The following KIDINS220 variants were observed in gnomAD, a reference collection of about 807,000 sequenced individuals.
KIDINS220 encodes kinase D-interacting substrate of 220 kDa.
In KIDINS220, 63 loss-of-function variants were observed where a neutral mutation model predicts 157.6. The ratio of observed to expected loss-of-function variants is 0.40; its 90% CI spans 0.33 to 0.49. The LOEUF (loss-of-function observed/expected upper bound fraction) is 0.49. KIDINS220 is among the 20% of genes least tolerant of loss of function. The pLI is 0.66. For missense variants in KIDINS220, 1,772 were observed against 2,171.2 expected, an observed-to-expected ratio of 0.82 and a Z score of 3.65; for synonymous variants, 732 against 783.6, an observed-to-expected ratio of 0.93 and a Z score of 1.10.
At chr2:8,740,528 A>G (rs1665481239) in intron 26 of KIDINS220, among the ~76,000 whole-genome samples, 1 of 152,268 alleles carries the variant, frequency 6.6e-6, no homozygotes, top group African/African-American at 2.4e-5. Flanking sequence ...TTCGTAATAT[A>G]TGCAAGTTTA....
In KIDINS220 at chr2:8,740,090, T is replaced by TG; in HGVS notation, c.3586-3092dup. ...ATTTATAGACAGCCCAGCATGAAGTTGCCAATGATTGCTTCTAGTAGTCTA... is the reference window on the plus strand; with the variant it reads ...ATTTATAGACAGCCCAGCATGAAGTTGGCCAATGATTGCTTCTAGTAGTCTA... On this transcript the variant is annotated intron_variant, in intron 26 of 29. Coordinates refer to ENST00000256707, the MANE Select transcript of KIDINS220 (RefSeq NM_020738.4). 1.0e-5 allele frequency: 7 copies of TG among 699,718 alleles called. No individual in the cohort carries two copies. In the South Asian group the frequency reaches 4.5e-4, roughly 45 times the overall value. The allele number at this position is 699,718 out of a possible 1,614,324, so 43.3% of individuals were successfully genotyped here.
At position 8,733,532 on chromosome 2, in the gene KIDINS220, G is replaced by A. The variant is rs561652136; in HGVS notation, c.3965C>T (p.Thr1322Met). 3.0e-5 allele frequency: 49 copies of A among 1,614,108 alleles called. No individual in the cohort carries two copies. The highest frequency in any genetic ancestry group is 3.6e-5 in the Non-Finnish European group (43 of 1,180,020). Reference sequence around the variant, plus strand: ...GAAGCTGAAGTTGAGTGTGTAGGGCGTCTGGCTGGAGAGCTCGGTGTGAGG... The same window carrying A: ...GAAGCTGAAGTTGAGTGTGTAGGGCATCTGGCTGGAGAGCTCGGTGTGAGG... Reference protein sequence around the residue: ...ELPHTELSSQTPYTLNFSFEE... With the variant: ...ELPHTELSSQMPYTLNFSFEE... The change falls in exon 29 of 30, where the codon ACG (threonine) becomes ATG (methionine). Residue 1322 changes from threonine (T) to methionine (M), a missense_variant. By Grantham distance (81) the Thr-to-Met change is moderately conservative (BLOSUM62 -1). Coordinates refer to ENST00000256707, the MANE Select transcript of KIDINS220 (RefSeq NM_020738.4).
In KIDINS220 at chr2:8,783,988, A is replaced by T. The variant is rs139322864; in HGVS notation, c.2229+1753T>A. Among the ~76,000 whole-genome samples, 9 of 152,282 alleles carry T rather than the reference A, an allele frequency of 5.9e-5. 1 individual carries two copies. The highest frequency in any genetic ancestry group is 3.4e-3 in the Middle Eastern group (1 of 294). On this transcript the variant is annotated intron_variant, in intron 17 of 29. Coordinates refer to ENST00000256707, the MANE Select transcript of KIDINS220 (RefSeq NM_020738.4). ...CACAGTATTGAAGGAGGAGAACAAAATAGGAGGACTGACACTACCCAACTT... is the reference window on the plus strand; with the variant it reads ...CACAGTATTGAAGGAGGAGAACAAATTAGGAGGACTGACACTACCCAACTT...
intron 10 of KIDINS220, among the ~76,000 whole-genome samples, chr2:8,797,241 C>G (rs986750521): frequency 2.0e-5 from 3 of 152,222 alleles, no homozygotes; most frequent in African/African-American, 7.2e-5. Context: ...TCCAGGTAAG[C>G]CAGTGTCCAG....
chr2:8,734,183 C>A (rs1214960541), intron 28 of KIDINS220, among the ~76,000 whole-genome samples: 1 of 150,600 alleles, frequency 6.6e-6, no homozygotes, highest in Non-Finnish European at 1.5e-5. Flanking sequence ...ACTCTTGGTA[C>A]GCCGATGGCC....
downstream of KIDINS220, chr2:8,722,220 A>C (rs997191203): frequency 6.6e-6 from 1 of 152,154 alleles, no homozygotes; most frequent in African/African-American, 2.4e-5. Flanking sequence ...GACATATTCT[A>C]ATTTCTAACA....
intron 2 of KIDINS220, among the ~76,000 whole-genome samples, chr2:8,821,300 G>T (rs1447754768): frequency 1.3e-5 from 2 of 151,846 alleles, no homozygotes; most frequent in African/African-American, 4.8e-5. Flanking sequence ...TGTCCACCCA[G>T]TATCTAGAAA....
chr2:8,747,318 T>G, intron 25 of KIDINS220, 117 bp from the exon 26 acceptor site: 3 of 862,844 alleles, frequency 3.5e-6, no homozygotes, highest in Non-Finnish European at 5.9e-6. Context: ...CAGTTTATGT[T>G]TTTGCCTCCT....
chr2:8,761,604 C>A (rs1390386709), intron 22 of KIDINS220, among the ~76,000 whole-genome samples: 4 of 151,846 alleles, frequency 2.6e-5, no homozygotes, highest in African/African-American at 9.7e-5. Flanking sequence ...TGAAAAATGT[C>A]CTGAAGCCAT....
chr2:8,731,641 A>C lies in KIDINS220; in HGVS notation c.4395T>G (p.Val1465=). ...CCAGGGGGGAAGCATCGTTGGTGGAAACCCCTGATGATGAATAATCGATAA... is the reference window on the plus strand; with the variant it reads ...CCAGGGGGGAAGCATCGTTGGTGGACACCCCTGATGATGAATAATCGATAA... The part of the protein sequence containing the change: ...GDVIDYSSSG[V]STNDASPLDP... Residue 1465 remains valine, a synonymous_variant, in exon 30 of 30, where the codon GTT becomes GTG. Transcript: ENST00000256707. This position sits in a 1 kb window ranked among gnomAD's most constrained non-coding sequence, Gnocchi z 5.2. 1.2e-6 allele frequency: 2 copies of C among 1,614,148 alleles called. No individual in the cohort carries two copies. The highest frequency in any genetic ancestry group is 1.7e-6 in the Non-Finnish European group (2 of 1,180,016).
chr2:8,792,660 T>C (rs1450754062), intron 12 of KIDINS220, among the ~76,000 whole-genome samples: 1 of 152,208 alleles, frequency 6.6e-6, no homozygotes, highest in Non-Finnish European at 1.5e-5. Context: ...TGGGGAATTG[T>C]GGTATCTTAC....
At chr2:8,759,572 C>T (rs1668482136) in intron 22 of KIDINS220, among the ~76,000 whole-genome samples, 1 of 147,660 alleles carries the variant, frequency 6.8e-6, no homozygotes, top group African/African-American at 2.5e-5. Context: ...GCAATTCTGG[C>T]AACTAGATGG....
intron 9 of KIDINS220, chr2:8,800,188 T>C: frequency 2.2e-6 from 1 of 444,538 alleles, no homozygotes; most frequent in African/African-American, 2.0e-5. Context: ...AACATGAGCT[T>C]TTTTGGTTTA....
intron 21 of KIDINS220, among the ~76,000 whole-genome samples, chr2:8,775,061 C>G (rs1374641330): frequency 6.6e-6 from 1 of 152,050 alleles, no homozygotes; most frequent in Non-Finnish European, 1.5e-5. Flanking sequence ...ACAGAATTTA[C>G]TAGTAGATTG....
chr2:8,800,891 A>G (rs955696140), intron 8 of KIDINS220, among the ~76,000 whole-genome samples: 10 of 152,238 alleles, frequency 6.6e-5, no homozygotes, highest in Admixed American at 3.9e-4. Context: ...GAATAATGCT[A>G]TATGACGAAA....
At chr2:8,807,110 T>C (rs1171352483) in intron 6 of KIDINS220, among the ~76,000 whole-genome samples, 1 of 152,130 alleles carries the variant, frequency 6.6e-6, no homozygotes, top group African/African-American at 2.4e-5. Context: ...ATTCACAGTA[T>C]CACATTTTCA....
intron 22 of KIDINS220, among the ~76,000 whole-genome samples, chr2:8,769,688 G>A (rs915001737): frequency 3.3e-5 from 5 of 152,212 alleles, no homozygotes; most frequent in South Asian, 4.1e-4. Context: ...TAATACAAAC[G>A]TTTATTCACG....
At chr2:8,726,036 G>T (rs1476223986), downstream of KIDINS220, among the ~76,000 whole-genome samples, 1 of 152,160 alleles carries the variant, frequency 6.6e-6, no homozygotes, top group African/African-American at 2.4e-5. Context: ...AAGCAGGAAC[G>T]CTTGTCTTTA....
intron 22 of KIDINS220, chr2:8,757,149 A>T (rs1012372236): frequency 4.3e-6 from 2 of 465,348 alleles, no homozygotes; most frequent in African/African-American, 2.1e-5. Context: ...GATATTTACT[A>T]GTGTTTATAC....
Sources: allele counts gnomAD v4.1 joint callset (sites outside exome capture counted in the v4.1 genomes callset), GRCh38; gene constraint gnomAD v4.1.1; non-coding constraint Gnocchi (gnomAD v3.1); transcripts MANE v1.5; gene names NCBI Gene and HGNC (gene_info 2026-07-23, HGNC 2026-07-21).